Variants in SLC1A1 observed in about 807,000 individuals in gnomAD.
The protein encoded by SLC1A1 is solute carrier family 1 member 1.
Under a neutral mutation model 53.3 loss-of-function variants are expected in SLC1A1, and 43 were observed. The ratio of observed to expected loss-of-function variants is 0.81; its 90% CI spans 0.63 to 1.04. The LOEUF is 1.04. SLC1A1 is among the 50% of genes least tolerant of loss of function. SLC1A1 has a pLI of 0.00. For missense variants in SLC1A1, 748 were observed against 664.9 expected (o/e 1.12, Z -1.37); for synonymous variants, 307 against 243.2 (o/e 1.26, Z -2.44).
At chr9:4,509,951 G>C (rs185762707) in intron 1 of SLC1A1, among the ~76,000 whole-genome samples, 1 of 151,970 alleles carries the variant, frequency 6.6e-6, no homozygotes, top group East Asian at 1.9e-4. Context: ...CTCTTGCCTC[G>C]GCCTTCCAAG....
chr9:4,512,758 G>A (rs966669350), intron 1 of SLC1A1, among the ~76,000 whole-genome samples: 1 of 151,828 alleles, frequency 6.6e-6, no homozygotes, highest in Non-Finnish European at 1.5e-5. Context: ...ATGCCCAGTT[G>A]GTCTTTTTTA....
chr9:4,502,585 TC>T (rs1462120411), intron 1 of SLC1A1, among the ~76,000 whole-genome samples: 5 of 151,474 alleles, frequency 3.3e-5, no homozygotes, highest in Admixed American at 6.6e-5. Flanking sequence ...GTTAGGGGGT[TC>T]CCATTTTACC....
chr9:4,504,416 C>T (rs1820732059), intron 1 of SLC1A1, among the ~76,000 whole-genome samples: 1 of 152,236 alleles, frequency 6.6e-6, no homozygotes, highest in Admixed American at 6.5e-5. Flanking sequence ...GTCTGTACTA[C>T]CTGTTCCAGG....
intron 11 of SLC1A1, 75 bp from the exon 12 acceptor site, chr9:4,585,237 G>C: frequency 6.3e-7 from 1 of 1,578,862 alleles, no homozygotes; most frequent in Non-Finnish European, 8.7e-7. Context: ...GAACATGTCA[G>C]GTCCTTGCAT....
chr9:4,493,569 A>G (rs1428496195), intron 1 of SLC1A1, among the ~76,000 whole-genome samples: 4 of 152,202 alleles, frequency 2.6e-5, no homozygotes, highest in African/African-American at 9.6e-5. Context: ...TTTATTAACT[A>G]TCATGACAAA....
At chr9:4,563,810 AC>A (rs1301762579) in intron 3 of SLC1A1, among the ~76,000 whole-genome samples, 1 of 151,626 alleles carries the variant, frequency 6.6e-6, no homozygotes, top group South Asian at 2.1e-4. Flanking sequence ...TCCTCATTCC[AC>A]CCCCGGAACA....
In SLC1A1 at chr9:4,561,476, C is replaced by T; in HGVS notation, c.260C>T (p.Ser87Phe). ...GTTGCTGCACTGGATTCCAACGTATCCGGAAAAATTGGTCTGCGCGCTGTC... is the reference window on the plus strand; with the variant it reads ...GTTGCTGCACTGGATTCCAACGTATTCGGAAAAATTGGTCTGCGCGCTGTC... The part of the protein sequence containing the change: ...TGVAALDSNV[S>F]GKIGLRAVVY... Residue 87 changes from serine (S) to phenylalanine (F), a missense_variant, in exon 3 of 12, where the codon TCC becomes TTC. Physicochemically the swap from Ser to Phe is radical, Grantham distance 155. Coordinates refer to ENST00000262352, the MANE Select transcript of SLC1A1 (RefSeq NM_004170.6). 6.2e-7 allele frequency: 1 copy of T among 1,609,462 alleles called. No individual in the cohort carries two copies. Among genetic ancestry groups the T allele is most frequent in the Non-Finnish European group, 8.5e-7 (1 of 1,175,784 alleles).
intron 1 of SLC1A1, among the ~76,000 whole-genome samples, chr9:4,522,047 TTTTTTTC>T (rs527295415): frequency 0.063 from 3,818 of 60,778 alleles, 197 homozygotes; most frequent in African/African-American, 0.13. Flanking sequence ...TGCCTCTTTT[TTTTTTTC>T]TTTTTTTTTT....
At chr9:4,577,895 C>A (rs1280675785) in intron 10 of SLC1A1, among the ~76,000 whole-genome samples, 2 of 152,166 alleles carry the variant, frequency 1.3e-5, no homozygotes, top group African/African-American at 4.8e-5. Context: ...TTAGAAGGCA[C>A]TGACACTGAG....
intron 1 of SLC1A1, among the ~76,000 whole-genome samples, chr9:4,537,234 G>A (rs1816708310): frequency 6.6e-6 from 1 of 152,100 alleles, no homozygotes; most frequent in South Asian, 2.1e-4. Context: ...AAATGCTTAT[G>A]ACTTAACATT....
chr9:4,522,602 G>C (rs1816118751), intron 1 of SLC1A1, among the ~76,000 whole-genome samples: 1 of 152,136 alleles, frequency 6.6e-6, no homozygotes, highest in Admixed American at 6.6e-5. Flanking sequence ...AATTTATAAA[G>C]GGAAGAGGTT....
At chr9:4,512,547 T>C (rs1397925769) in intron 1 of SLC1A1, among the ~76,000 whole-genome samples, 1 of 151,850 alleles carries the variant, frequency 6.6e-6, no homozygotes, top group Non-Finnish European at 1.5e-5. Flanking sequence ...TATGGAAAGA[T>C]AAAGGCATTA....
At chr9:4,517,266 T>C (rs977777778) in intron 1 of SLC1A1, among the ~76,000 whole-genome samples, 6 of 152,192 alleles carry the variant, frequency 3.9e-5, no homozygotes, top group African/African-American at 1.4e-4. Context: ...TAAAATTCTT[T>C]CTTAATCTCA....
chr9:4,580,651 G>GTGTGTGTGTGTA (rs370378540), intron 10 of SLC1A1, among the ~76,000 whole-genome samples: 10,171 of 118,422 alleles, frequency 0.086, 777 homozygotes, highest in East Asian at 0.15. Flanking sequence ...GTGTGTGTGT[G>GTGTGTGTGTGTA]TATAAGGAAT....
At chr9:4,523,371 C>G (rs1403058180) in intron 1 of SLC1A1, among the ~76,000 whole-genome samples, 1 of 151,358 alleles carries the variant, frequency 6.6e-6, no homozygotes, top group Non-Finnish European at 1.5e-5. Context: ...TTTCCACATG[C>G]CATTTGTTCT....
intron 4 of SLC1A1, among the ~76,000 whole-genome samples, chr9:4,565,509 GGA>G (rs1447583609): frequency 1.3e-5 from 2 of 152,154 alleles, no homozygotes; most frequent in African/African-American, 4.8e-5. Context: ...CATGGCTGCA[GGA>G]GAGAGAGCAA....
intron 1 of SLC1A1, among the ~76,000 whole-genome samples, chr9:4,533,159 C>T (rs1442576019): frequency 2.0e-5 from 3 of 152,084 alleles, no homozygotes; most frequent in African/African-American, 2.4e-5. Context: ...CATCAACTAA[C>T]GAGCAAAATA....
In SLC1A1 at chr9:4,585,554, T is replaced by G. The variant is rs764831145; in HGVS notation, c.1571T>G (p.Phe524Cys). The G allele has an allele frequency of 6.2e-7, 1 of 1,614,160 alleles. No homozygotes were observed. Among genetic ancestry groups the G allele is most frequent in the East Asian group, 2.2e-5 (1 of 44,892 alleles). The change falls in exon 12 of 12, where the codon TTC (phenylalanine) becomes TGC (cysteine). Residue 524 changes from phenylalanine to cysteine, a missense_variant. By Grantham distance (205) the Phe-to-Cys change is radical (BLOSUM62 -2). Transcript: ENST00000262352. ...ATCTCATTCACCCAGACCTCACAGT[T>G]CTAGGGCCCCTGGCTGCAGATGACT... is the stretch of plus-strand genomic sequence containing the variant. ...DTISFTQTSQ[F>C]
In SLC1A1 at chr9:4,583,269, C is replaced by G; in HGVS notation, c.1328+97C>G. On this transcript the variant is annotated intron_variant, in intron 11 of 11. Coordinates refer to ENST00000262352, the MANE Select transcript of SLC1A1 (RefSeq NM_004170.6). This position sits in a 1 kb window ranked among gnomAD's most constrained non-coding sequence, Gnocchi z 4.6. ...CTGTCATCATTCTCTCCTCAGATTG[C>G]CTAATGAGCCACCTGTTGCTGCTTT... is the stretch of plus-strand genomic sequence containing the variant. The G allele has an allele frequency of 6.8e-7, 1 of 1,464,218 alleles. No individual in the cohort carries two copies. The highest frequency in any genetic ancestry group is 1.1e-5 in the South Asian group (1 of 87,838). 90.7% of individuals were successfully genotyped at this position (1,464,218 alleles called of 1,614,324 possible). A position where few individuals can be genotyped will look rare whatever the true frequency, so the allele number is the denominator to read the frequency against.
Sources: allele counts gnomAD v4.1 joint callset (sites outside exome capture counted in the v4.1 genomes callset), GRCh38; gene constraint gnomAD v4.1.1; non-coding constraint Gnocchi (gnomAD v3.1); transcripts MANE v1.5; gene names NCBI Gene and HGNC (gene_info 2026-07-23, HGNC 2026-07-21).